Variants in GRID2 observed in about 807,000 individuals in gnomAD.
GRID2 encodes the protein glutamate receptor ionotropic, delta-2.
Under a neutral mutation model 114.8 loss-of-function variants are expected in GRID2, and 33 were observed. The observed-to-expected ratio is 0.29, with a 90% CI of 0.22 to 0.38. The LOEUF is 0.38. Among genes scored for constraint, GRID2 ranks in the 10% least tolerant of loss-of-function variants. The probability of loss-of-function intolerance (pLI) is 1.00; values close to 1 mark genes in which losing one functional copy is unlikely to be tolerated. For missense variants in GRID2, 1,184 were observed against 1,257.7 expected, an observed-to-expected ratio of 0.94 and a Z score of 0.89; for synonymous variants, 505 against 449.9, an observed-to-expected ratio of 1.12 and a Z score of -1.55.
At chr4:93,351,554 C>G (rs984141401) in intron 8 of GRID2, among the ~76,000 whole-genome samples, 11 of 152,126 alleles carry the variant, frequency 7.2e-5, no homozygotes, top group Admixed American at 3.9e-4. Flanking sequence ...TCTACTTGTT[C>G]TCTTTGTAGG....
chr4:93,239,300 C>T (rs1015479149), intron 8 of GRID2, among the ~76,000 whole-genome samples: 19 of 149,364 alleles, frequency 1.3e-4, no homozygotes, highest in African/African-American at 4.6e-4. Flanking sequence ...TGTATATATA[C>T]ACACACATAT....
intron 13 of GRID2, among the ~76,000 whole-genome samples, chr4:93,613,126 C>T (rs1560818608): frequency 6.8e-6 from 1 of 147,386 alleles, no homozygotes; most frequent in South Asian, 2.2e-4. Flanking sequence ...CTTCTGCATT[C>T]TTCACGTAGT....
chr4:93,689,021 G>A (rs943697974), intron 14 of GRID2, among the ~76,000 whole-genome samples: 1 of 151,934 alleles, frequency 6.6e-6, no homozygotes, highest in African/African-American at 2.4e-5. Flanking sequence ...GAGGTCCATA[G>A]GATGACCCTT....
chr4:92,996,580 T>C (rs1026820575), intron 2 of GRID2, among the ~76,000 whole-genome samples: 6 of 152,252 alleles, frequency 3.9e-5, no homozygotes, highest in Admixed American at 6.5e-5. Flanking sequence ...CTTCAGGAGA[T>C]TGATGTGCTG....
At chr4:93,336,412 A>G (rs1759093088) in intron 8 of GRID2, among the ~76,000 whole-genome samples, 1 of 152,204 alleles carries the variant, frequency 6.6e-6, no homozygotes, top group Non-Finnish European at 1.5e-5. Context: ...AGAATAAGCC[A>G]CATAAATCAC....
At chr4:93,029,725 G>T (rs960737137) in intron 2 of GRID2, among the ~76,000 whole-genome samples, 2 of 151,910 alleles carry the variant, frequency 1.3e-5, no homozygotes, top group Admixed American at 6.6e-5. Flanking sequence ...ATTTAATGAA[G>T]TCTTCCTCCA....
intron 1 of GRID2, among the ~76,000 whole-genome samples, chr4:92,435,314 G>A (rs552622746): frequency 9.2e-4 from 140 of 152,270 alleles, no homozygotes; most frequent in Non-Finnish European, 1.7e-3. Context: ...ACAGAAAATA[G>A]TAAAATGTAA....
chr4:93,162,398 T>G (rs1237731287), intron 4 of GRID2, among the ~76,000 whole-genome samples: 1 of 151,994 alleles, frequency 6.6e-6, no homozygotes, highest in Non-Finnish European at 1.5e-5. Context: ...CATGTCAGCT[T>G]ACCACATAGT....
intron 1 of GRID2, among the ~76,000 whole-genome samples, chr4:92,311,657 G>A (rs1017567695): frequency 4.0e-5 from 6 of 151,826 alleles, no homozygotes; most frequent in African/African-American, 1.5e-4. Flanking sequence ...TCATAAGTAA[G>A]CTTAAATAAG....
At chr4:92,700,827 C>G (rs1734637361) in intron 2 of GRID2, among the ~76,000 whole-genome samples, 1 of 151,990 alleles carries the variant, frequency 6.6e-6, no homozygotes, top group Non-Finnish European at 1.5e-5. Context: ...CCCGTCTCTG[C>G]TACAAATACA....
intron 2 of GRID2, among the ~76,000 whole-genome samples, chr4:93,054,849 A>G (rs1394285156): frequency 6.9e-6 from 1 of 145,360 alleles, no homozygotes; most frequent in East Asian, 2.1e-4. Context: ...AACAAGTTTA[A>G]AAATCCAGGA....
intron 13 of GRID2, among the ~76,000 whole-genome samples, chr4:93,560,053 G>A (rs1005643112): frequency 6.6e-6 from 1 of 151,556 alleles, no homozygotes; most frequent in Non-Finnish European, 1.5e-5. Flanking sequence ...ACAGGGAGGG[G>A]AACATCACAC....
intron 2 of GRID2, among the ~76,000 whole-genome samples, chr4:92,882,100 A>C (rs900391781): frequency 6.6e-6 from 1 of 152,154 alleles, no homozygotes; most frequent in Non-Finnish European, 1.5e-5. Flanking sequence ...ATTCCTACTT[A>C]AATGATTTAG....
chr4:93,738,386 T>A (rs1260817858), intron 14 of GRID2, among the ~76,000 whole-genome samples: 1 of 152,094 alleles, frequency 6.6e-6, no homozygotes, highest in Non-Finnish European at 1.5e-5. Flanking sequence ...CAGAACAAAT[T>A]GGAGACAGAG....
intron 8 of GRID2, among the ~76,000 whole-genome samples, chr4:93,241,197 A>C (rs1747468648): frequency 6.6e-6 from 1 of 151,666 alleles, no homozygotes; most frequent in Non-Finnish European, 1.5e-5. Flanking sequence ...TTTTATATTG[A>C]TTTTATATCT....
At chr4:92,659,216 C>A (rs899736105) in intron 2 of GRID2, among the ~76,000 whole-genome samples, 2 of 151,618 alleles carry the variant, frequency 1.3e-5, no homozygotes, top group Non-Finnish European at 3.0e-5. Flanking sequence ...AGTGTTAGCA[C>A]CTTCAAAGCC....
At chr4:93,147,701 C>G (rs1736390911) in intron 4 of GRID2, among the ~76,000 whole-genome samples, 1 of 152,122 alleles carries the variant, frequency 6.6e-6, no homozygotes, top group African/African-American at 2.4e-5. Context: ...AGAAAAAAGA[C>G]AGATTTATTG....
chr4:92,477,905 A>T (rs1722397485), intron 1 of GRID2, among the ~76,000 whole-genome samples: 1 of 149,998 alleles, frequency 6.7e-6, no homozygotes, highest in South Asian at 2.1e-4. Flanking sequence ...AAAAACAAAC[A>T]TACACATACC....
intron 11 of GRID2, among the ~76,000 whole-genome samples, chr4:93,477,088 A>T (rs897710096): frequency 1.6e-4 from 24 of 152,106 alleles, no homozygotes; most frequent in African/African-American, 5.8e-4. Flanking sequence ...ATATCTTGTG[A>T]GGGCCTTCAT....
Sources: allele counts gnomAD v4.1 joint callset (sites outside exome capture counted in the v4.1 genomes callset), GRCh38; gene constraint gnomAD v4.1.1; transcripts MANE v1.5; gene names NCBI Gene and HGNC (gene_info 2026-07-23, HGNC 2026-07-21).